The following BRWD3 variants were observed in gnomAD, a reference collection of about 807,000 sequenced individuals.
BRWD3 encodes the protein bromodomain and WD repeat-containing protein 3.
BRWD3 carries 10 observed loss-of-function variants against 149.7 expected under a neutral mutation model. The ratio of observed to expected loss-of-function variants is 0.07; its 90% CI spans 0.04 to 0.11. The LOEUF (loss-of-function observed/expected upper bound fraction) is 0.11, where lower values mean the gene tolerates loss of function less well. Ranked by LOEUF, BRWD3 falls within the 10% of genes least tolerant of loss-of-function variation. BRWD3 has a pLI of 1.00. For synonymous variants in BRWD3, 504 were observed against 456.7 expected (o/e 1.10, Z -1.32); for missense variants, 940 against 1,373.2 (o/e 0.68, Z 4.99).
chrX:80,717,794 A>G (rs958309863), intron 18 of BRWD3, 35 bp from the exon 19 acceptor site: 9 of 1,158,503 alleles, frequency 7.8e-6, no homozygotes, highest in East Asian at 3.0e-5. Flanking sequence ...TCACTTTGTG[A>G]GCAAAGGCAC....
chrX:80,804,653 A>T (rs914671947), intron 4 of BRWD3, among the ~76,000 whole-genome samples: 3 of 112,126 alleles, frequency 2.7e-5, no homozygotes, highest in Non-Finnish European at 5.6e-5. Flanking sequence ...ATTAACAAGA[A>T]CTGTTCATTT....
chrX:80,723,895 T>A lies in BRWD3; in HGVS notation c.1522-19A>T. ...CTTCAATCTGAAATTCAGAGGAGTC[T>A]CAAGTCATCTTAAGAGTAATTTTCA... On this transcript the variant is annotated intron_variant, in intron 15 of 40. Coordinates refer to ENST00000373275, the MANE Select transcript of BRWD3 (RefSeq NM_153252.5). 8.3e-7 allele frequency: 1 copy of A among 1,206,534 alleles called. No individual in the cohort carries two copies. Among genetic ancestry groups the A allele is most frequent in the Non-Finnish European group, 1.1e-6 (1 of 891,255 alleles).
intron 24 of BRWD3, among the ~76,000 whole-genome samples, chrX:80,701,256 C>T (rs1162589904): frequency 9.1e-6 from 1 of 110,401 alleles, no homozygotes; most frequent in East Asian, 2.8e-4. Context: ...AGTTTAAAAG[C>T]AGTGATAGAG....
In BRWD3 at chrX:80,696,807, C is replaced by T. The variant is rs1344169848; in HGVS notation, c.3000G>A (p.Leu1000=). 1 of 1,209,265 alleles carries T rather than the reference C, an allele frequency of 8.3e-7. No individual in the cohort carries two copies. Among genetic ancestry groups the T allele is most frequent in the Non-Finnish European group, 1.1e-6 (1 of 893,309 alleles). The stretch of plus-strand genomic sequence containing the variant: ...CCAGAAATGCAAGCTTCAAGCAGCA[C>T]AGTGTGGGTGGGCCAACCTCATATT... ...GIKYEVGPPT[L]CCLKLAFLDP... is the part of the protein sequence containing the mutation. The change falls in exon 26 of 41, where the codon CTG becomes CTA. Residue 1000 remains leucine (L), a synonymous_variant. Coordinates refer to ENST00000373275, the MANE Select transcript of BRWD3 (RefSeq NM_153252.5).
At chrX:80,783,720 G>A (rs965956799) in intron 6 of BRWD3, among the ~76,000 whole-genome samples, 7 of 111,021 alleles carry the variant, frequency 6.3e-5, no homozygotes, top group Non-Finnish European at 1.1e-4. Flanking sequence ...GTATTTATAC[G>A]CAATGGAATA....
In BRWD3 at chrX:80,745,611, G is replaced by A. The variant is rs2147792224; in HGVS notation, c.549C>T (p.Val183=). The A allele has an allele frequency of 1.7e-6, 2 of 1,210,188 alleles. No homozygotes were observed. The highest frequency in any genetic ancestry group is 2.2e-6 in the Non-Finnish European group (2 of 894,691). Residue 183 remains valine, a synonymous_variant, in exon 7 of 41, where the codon GTC becomes GTT. Transcript: ENST00000373275. ...CGCTTCGGTCAAATGCTACACAGTAGACAGATGACAAGTGCCCCAGAATTC... is the reference window on the plus strand; with the variant it reads ...CGCTTCGGTCAAATGCTACACAGTAAACAGATGACAAGTGCCCCAGAATTC... ...HKRILGHLSS[V]YCVAFDRSGR...
intron 14 of BRWD3, 144 bp downstream of exon 14, chrX:80,728,608 A>G (rs1280036154): frequency 2.0e-6 from 1 of 488,146 alleles, no homozygotes; most frequent in Non-Finnish European, 3.4e-6. Context: ...TTTTACAGAT[A>G]TGTCAACAGA....
At position 80,674,800 on chromosome X, in the gene BRWD3, G is replaced by T. The variant is rs1240141136; in HGVS notation, c.*1809C>A. The stretch of plus-strand genomic sequence containing the variant: ...CCTGAACATCATTTCCACTGCAAGT[G>T]AAAACTGCTTAAAGATGTTAGTCCA... On this transcript the variant is annotated 3_prime_UTR_variant, in exon 41 of 41. Transcript: ENST00000373275. 1.8e-5 allele frequency: 2 copies of T among 111,615 alleles called. No homozygotes were observed. Among genetic ancestry groups the T allele is most frequent in the Non-Finnish European group, 3.8e-5 (2 of 52,978 alleles). The allele number at this position is 111,615 out of a possible 1,213,427, so 9.2% of individuals were successfully genotyped here.
chrX:80,687,514 G>C (rs2072547686), intron 34 of BRWD3, among the ~76,000 whole-genome samples: 1 of 111,223 alleles, frequency 9.0e-6, no homozygotes, highest in Non-Finnish European at 1.9e-5. Flanking sequence ...AATTATTATA[G>C]AGCAGAAGTC....
chrX:80,745,965 T>G (rs2073587251), intron 6 of BRWD3, among the ~76,000 whole-genome samples: 1 of 110,893 alleles, frequency 9.0e-6, no homozygotes, highest in African/African-American at 3.3e-5. Flanking sequence ...CTTGGCTTAC[T>G]GTGGTTTCTC....
At chrX:80,777,308 AC>A (rs2074009808) in intron 6 of BRWD3, among the ~76,000 whole-genome samples, 1 of 111,825 alleles carries the variant, frequency 8.9e-6, no homozygotes, top group Non-Finnish European at 1.9e-5. Flanking sequence ...AAGCCAGGTA[AC>A]TATCATATCT....
At chrX:80,773,804 C>T (rs944343817) in intron 6 of BRWD3, among the ~76,000 whole-genome samples, 1 of 111,702 alleles carries the variant, frequency 9.0e-6, no homozygotes, top group African/African-American at 3.3e-5. Flanking sequence ...TTTCTTAATC[C>T]GTTTCATCTC....
intron 6 of BRWD3, among the ~76,000 whole-genome samples, chrX:80,786,533 T>C (rs777339495): frequency 2.7e-5 from 3 of 109,327 alleles, no homozygotes; most frequent in Non-Finnish European, 5.7e-5. Context: ...TATATATATA[T>C]GGAGTCTTGC....
chrX:80,795,725 G>T (rs2074232050), intron 4 of BRWD3, among the ~76,000 whole-genome samples: 1 of 108,887 alleles, frequency 9.2e-6, no homozygotes, highest in Admixed American at 1.0e-4. Context: ...TACAAAAAAT[G>T]TAAAAATTAT....
chrX:80,765,905 T>C (rs1383688434), intron 6 of BRWD3, among the ~76,000 whole-genome samples: 1 of 111,800 alleles, frequency 8.9e-6, no homozygotes, highest in Non-Finnish European at 1.9e-5. Context: ...GGATTATTTA[T>C]TTATTTAAGT....
chrX:80,790,193 C>CAAAAAAAAAAAAAAAAAAAAAAAAGAAA, intron 6 of BRWD3, among the ~76,000 whole-genome samples: 1 of 35,316 alleles, frequency 2.8e-5, no homozygotes, highest in Non-Finnish European at 4.8e-5. Context: ...GACTCTGTCT[C>CAAAAAAAAAAAAAAAAAAAAAAAAGAAA]AAAAAAAAAA....
At chrX:80,783,574 T>G (rs897964045) in intron 6 of BRWD3, among the ~76,000 whole-genome samples, 7 of 110,406 alleles carry the variant, frequency 6.3e-5, no homozygotes, top group African/African-American at 2.3e-4. Context: ...CTGCTAGGTA[T>G]ATACCCAAAA....
chrX:80,745,065 C>T (rs1391074731), intron 7 of BRWD3, among the ~76,000 whole-genome samples: 1 of 111,195 alleles, frequency 9.0e-6, no homozygotes, highest in African/African-American at 3.3e-5. Flanking sequence ...TACTCAAAAG[C>T]ATACAGTATT....
intron 6 of BRWD3, among the ~76,000 whole-genome samples, chrX:80,774,626 A>G (rs1027836118): frequency 8.9e-6 from 1 of 112,089 alleles, no homozygotes; most frequent in African/African-American, 3.2e-5. Context: ...ATCATAAAGG[A>G]AGATTTCCCA....
Sources: gnomAD v4.1 joint callset for allele counts (sites outside exome capture counted in the v4.1 genomes callset) on GRCh38, gnomAD v4.1.1 for gene constraint, MANE v1.5 for transcripts, NCBI Gene and HGNC (gene_info 2026-07-23, HGNC 2026-07-21) for gene names.